The following MYLK variants were observed in gnomAD, a reference collection of about 807,000 sequenced individuals.
MYLK encodes the protein myosin light chain kinase, smooth muscle.
MYLK carries 106 observed loss-of-function variants against 203.4 expected under a neutral mutation model. That is an observed-to-expected ratio of 0.52 (90% CI 0.45 to 0.61). The LOEUF is 0.61. Ranked by LOEUF, MYLK falls within the 20% of genes least tolerant of loss-of-function variation. The pLI is 0.00. For synonymous variants in MYLK, 867 were observed against 959.5 expected (o/e 0.90, Z 1.78); for missense variants, 2,072 against 2,442.3 (o/e 0.85, Z 3.20).
chr3:123,782,980 C>T, intron 4 of MYLK, among the ~76,000 whole-genome samples: 1 of 152,162 alleles, frequency 6.6e-6, no homozygotes, highest in Non-Finnish European at 1.5e-5. Context: ...TTCTACTTTT[C>T]TTCCTACTTT....
chr3:123,645,424 C>CAA (rs2058981036), intron 27 of MYLK, among the ~76,000 whole-genome samples: 1 of 152,196 alleles, frequency 6.6e-6, no homozygotes, highest in South Asian at 2.1e-4. Flanking sequence ...ATATTCCACT[C>CAA]ATATCTACAG....
Position 123,629,741 on chromosome 3 carries a change from G to T in MYLK, c.4962-115C>A. Reference sequence around the variant, plus strand: ...CCAGCCTCCCCACCCCCAAACTCATGCTCTGTGGGCCTTGCACCTGCCTTT... The same window carrying T: ...CCAGCCTCCCCACCCCCAAACTCATTCTCTGTGGGCCTTGCACCTGCCTTT... On this transcript the variant is annotated intron_variant, in intron 29 of 33. Transcript: ENST00000360304. The surrounding 1 kb of genome is among the most constrained non-coding windows in gnomAD (Gnocchi z 4.4). 9.4e-7 allele frequency: 1 copy of T among 1,060,422 alleles called. No individual in the cohort carries two copies. The highest frequency in any genetic ancestry group is 1.4e-6 in the Non-Finnish European group (1 of 695,424). 65.7% of individuals were successfully genotyped at this position (1,060,422 alleles called of 1,614,324 possible). A position where few individuals can be genotyped will look rare whatever the true frequency, so the allele number is the denominator to read the frequency against.
intron 8 of MYLK, 176 bp downstream of exon 8, chr3:123,737,202 G>T: frequency 1.5e-6 from 1 of 683,516 alleles, no homozygotes; most frequent in Non-Finnish European, 2.4e-6. Context: ...ATGGGCGACA[G>T]AGCAAGACTC....
intron 3 of MYLK, among the ~76,000 whole-genome samples, chr3:123,820,688 CTCCTTCCTTCCTTCCT>C (rs1380306791): frequency 8.4e-6 from 1 of 118,398 alleles, no homozygotes; most frequent in East Asian, 2.8e-4. Flanking sequence ...CCTTCCTTCC[CTCCTTCCTTCCTTCCT>C]TCCTTCTTTC....
At chr3:123,846,438 C>A (rs1230007876) in intron 2 of MYLK, among the ~76,000 whole-genome samples, 1 of 152,108 alleles carries the variant, frequency 6.6e-6, no homozygotes, top group Non-Finnish European at 1.5e-5. Context: ...AGTTCTTTTA[C>A]TGCTATATAT....
intron 2 of MYLK, among the ~76,000 whole-genome samples, chr3:123,851,973 A>G (rs2030863191): frequency 6.6e-6 from 1 of 152,186 alleles, no homozygotes. Context: ...GAATTTTGTC[A>G]AAGGCCTTTT....
intron 3 of MYLK, among the ~76,000 whole-genome samples, chr3:123,803,829 C>T (rs1435781144): frequency 3.3e-5 from 5 of 152,214 alleles, no homozygotes; most frequent in South Asian, 2.1e-4. Flanking sequence ...GGGTCAGTCC[C>T]GACCCACACC....
chr3:123,796,968 C>T (rs1577004796), intron 3 of MYLK, among the ~76,000 whole-genome samples: 1 of 152,112 alleles, frequency 6.6e-6, no homozygotes, highest in Admixed American at 6.5e-5. Context: ...TATAAGAACA[C>T]TATTTGCATT....
intron 5 of MYLK, among the ~76,000 whole-genome samples, chr3:123,741,088 C>A (rs183183016): frequency 3.5e-4 from 54 of 152,266 alleles, no homozygotes; most frequent in African/African-American, 1.2e-3. Flanking sequence ...AAAACCCTAT[C>A]CCAGGGAGGG....
chr3:123,645,231 G>A (rs1362770339), intron 27 of MYLK, among the ~76,000 whole-genome samples: 1 of 152,130 alleles, frequency 6.6e-6, no homozygotes, highest in African/African-American at 2.4e-5. Context: ...ACTAGGGATT[G>A]GTACAATAGA....
intron 4 of MYLK, among the ~76,000 whole-genome samples, chr3:123,783,864 G>A (rs1486881143): frequency 6.6e-6 from 1 of 152,202 alleles, no homozygotes; most frequent in Non-Finnish European, 1.5e-5. Context: ...TCCCACAGGA[G>A]TGATGAGAAA....
chr3:123,838,426 G>T (rs1233416790), intron 2 of MYLK, among the ~76,000 whole-genome samples: 1 of 152,130 alleles, frequency 6.6e-6, no homozygotes, highest in African/African-American at 2.4e-5. Context: ...AGGCAGAAGG[G>T]ATATGTCAGA....
Position 123,733,021 on chromosome 3 carries a change from T to A in MYLK, c.1391A>T (p.Tyr464Phe), listed in dbSNP as rs1388089555. 1 of 1,614,136 alleles carries A rather than the reference T, an allele frequency of 6.2e-7. No individual in the cohort carries two copies. The highest frequency in any genetic ancestry group is 1.3e-5 in the African/African-American group (1 of 75,054). ...GAGGTAATGGGAGCCAGCATCTTCA[T>A]AAACCTCAATGCTGCCTTCCTGTCT... ...VRRQEGSIEVYEDAGSHYLCL... is the reference protein window; with the variant it reads ...VRRQEGSIEVFEDAGSHYLCL... Residue 464 changes from tyrosine (Y) to phenylalanine (F), a missense_variant, in exon 11 of 34, where the codon TAT becomes TTT. This residue lies in a region of MYLK where 683 missense variants were observed against 643.8 expected (regional missense o/e 1.06). Transcript: ENST00000360304.
At chr3:123,831,291 G>T in intron 3 of MYLK, 1 of 1,085,892 alleles carries the variant, frequency 9.2e-7, no homozygotes, top group Non-Finnish European at 1.2e-6. Context: ...CTTGTTTCCT[G>T]GCTAGTTCCA....
In MYLK at chr3:123,657,400, A is replaced by G. The variant is rs55669734; in HGVS notation, c.4014T>C (p.Pro1338=). The G allele has an allele frequency of 1.1e-4, 183 of 1,613,778 alleles. No individual in the cohort carries two copies. In the African/African-American group the frequency reaches 2.3e-3, roughly 20 times the overall value. ...VDKPDPPAGT[P]CASDIRSSSL... Reference sequence around the variant, plus strand: ...AGGAGCTCCGAATGTCAGAGGCACAAGGTGTGCCAGCTGGGGGGTCTGGCT... The same window carrying G: ...AGGAGCTCCGAATGTCAGAGGCACAGGGTGTGCCAGCTGGGGGGTCTGGCT... The change falls in exon 24 of 34, where the codon CCT becomes CCC. Residue 1338 remains proline (P), a synonymous_variant. Transcript: ENST00000360304.
At chr3:123,842,517 T>C (rs1372703074) in intron 2 of MYLK, among the ~76,000 whole-genome samples, 2 of 152,184 alleles carry the variant, frequency 1.3e-5, no homozygotes. Flanking sequence ...TGCCTGATAA[T>C]TACAAAATAT....
chr3:123,849,812 T>C (rs565892603), intron 2 of MYLK, among the ~76,000 whole-genome samples: 15 of 152,314 alleles, frequency 9.8e-5, no homozygotes, highest in African/African-American at 3.6e-4. Flanking sequence ...GTTACATATG[T>C]ATACATGTGC....
intron 17 of MYLK, among the ~76,000 whole-genome samples, 174 bp from the exon 18 acceptor site, chr3:123,701,179 C>G (rs1018572710): frequency 7.0e-6 from 1 of 142,540 alleles, no homozygotes; most frequent in African/African-American, 2.6e-5. Context: ...GAGGCGCTCG[C>G]TTGCTTAGTT....
At chr3:123,617,030 A>G (rs1013226800) in intron 33 of MYLK, 2 of 152,160 alleles carry the variant, frequency 1.3e-5, no homozygotes, top group Non-Finnish European at 2.9e-5. Context: ...TGTTTTTTCG[A>G]AGTAATTAGG....
Sources: gnomAD v4.1 joint callset for allele counts (sites outside exome capture counted in the v4.1 genomes callset) on GRCh38, gnomAD v4.1.1 for gene constraint, gnomAD v4.1.1 regional missense constraint, Gnocchi (gnomAD v3.1) non-coding constraint, MANE v1.5 for transcripts, NCBI Gene and HGNC (gene_info 2026-07-23, HGNC 2026-07-21) for gene names.